Variants in SPAG6 observed in about 807,000 individuals in gnomAD.
The protein encoded by SPAG6 is sperm associated antigen 6, also known as sperm-associated antigen 6.
SPAG6 carries 49 observed loss-of-function variants against 58.5 expected under a neutral mutation model. That is an observed-to-expected ratio of 0.84 (90% CI 0.67 to 1.06). The LOEUF (loss-of-function observed/expected upper bound fraction) is 1.06. Ranked by LOEUF, SPAG6 falls within the 50% of genes least tolerant of loss-of-function variation. SPAG6 has a pLI of 0.00. For missense variants in SPAG6, 560 were observed against 611.3 expected, an observed-to-expected ratio of 0.92 and a Z score of 0.89; for synonymous variants, 233 against 225.6, an observed-to-expected ratio of 1.03 and a Z score of -0.29.
intron 9 of SPAG6, among the ~76,000 whole-genome samples, chr10:22,410,467 G>C (rs904361247): frequency 2.0e-5 from 3 of 152,184 alleles, no homozygotes; most frequent in Non-Finnish European, 4.4e-5. Context: ...GGGGCTTCCA[G>C]AGAAGGATTC....
intron 2 of SPAG6, chr10:22,361,054 G>A (rs988953294): frequency 8.5e-6 from 4 of 470,456 alleles, no homozygotes; most frequent in Non-Finnish European, 1.5e-5. Context: ...AGCACATGGG[G>A]ACTGATAATT....
chr10:22,389,138 A>G, intron 6 of SPAG6, 22 bp from the exon 7 acceptor site: 1 of 1,608,406 alleles, frequency 6.2e-7, no homozygotes, highest in Non-Finnish European at 8.5e-7. Flanking sequence ...CTGGTGATCT[A>G]ACTCTTGTTC....
At chr10:22,407,907 C>G (rs1325071825) in intron 9 of SPAG6, among the ~76,000 whole-genome samples, 26 of 150,856 alleles carry the variant, frequency 1.7e-4, no homozygotes, top group African/African-American at 2.7e-4. Context: ...ATTGCTGATA[C>G]CCTTTCTTCC....
At chr10:22,397,319 A>G (rs1322610482) in intron 8 of SPAG6, among the ~76,000 whole-genome samples, 1 of 152,178 alleles carries the variant, frequency 6.6e-6, no homozygotes, top group East Asian at 1.9e-4. Flanking sequence ...TTTTTGAGAC[A>G]GGGTCTCACT....
intron 4 of SPAG6, among the ~76,000 whole-genome samples, chr10:22,375,916 T>C (rs1274254206): frequency 1.3e-5 from 2 of 152,142 alleles, no homozygotes; most frequent in Admixed American, 6.5e-5. Flanking sequence ...CTAGCGTTTT[T>C]GGTGTCACTG....
intron 2 of SPAG6, chr10:22,361,076 A>G: frequency 2.4e-6 from 1 of 416,034 alleles, no homozygotes; most frequent in Non-Finnish European, 4.2e-6. Flanking sequence ...TGAAGCACTA[A>G]GAGGCAATTT....
At chr10:22,406,443 C>G (rs1049099426) in intron 9 of SPAG6, among the ~76,000 whole-genome samples, 1 of 152,024 alleles carries the variant, frequency 6.6e-6, no homozygotes, top group Non-Finnish European at 1.5e-5. Context: ...TGTAGTTGAG[C>G]GGTTTTGAGT....
chr10:22,382,654 G>A (rs1564370990), intron 4 of SPAG6, among the ~76,000 whole-genome samples: 1 of 152,104 alleles, frequency 6.6e-6, no homozygotes, highest in Non-Finnish European at 1.5e-5. Flanking sequence ...TATGTATGAT[G>A]TGCATTATTT....
chr10:22,398,825 A>AT (rs886397815), intron 8 of SPAG6, among the ~76,000 whole-genome samples: 170 of 149,278 alleles, frequency 1.1e-3, no homozygotes, highest in Middle Eastern at 0.01. Flanking sequence ...AAGTATTATT[A>AT]TTTTTTTTTT....
chr10:22,397,223 C>G (rs796859008), intron 8 of SPAG6, among the ~76,000 whole-genome samples: 11 of 152,148 alleles, frequency 7.2e-5, no homozygotes, highest in African/African-American at 2.7e-4. Context: ...CACACACACA[C>G]GCACACACAC....
intron 4 of SPAG6, among the ~76,000 whole-genome samples, chr10:22,382,725 C>T (rs1054362475): frequency 2.0e-5 from 3 of 152,032 alleles, no homozygotes; most frequent in African/African-American, 7.2e-5. Context: ...AAACTTTCTG[C>T]TATATTAAAA....
chr10:22,371,886 G>A (rs79270180), intron 4 of SPAG6, among the ~76,000 whole-genome samples: 2,179 of 152,032 alleles, frequency 0.014, 40 homozygotes, highest in African/African-American at 0.049. Context: ...AAGGGAACTT[G>A]GGGCTGACAA....
intron 2 of SPAG6, among the ~76,000 whole-genome samples, chr10:22,356,818 C>G (rs948305675): frequency 3.9e-5 from 6 of 152,164 alleles, no homozygotes; most frequent in Non-Finnish European, 8.8e-5. Context: ...GTCTTCCCTG[C>G]CTCTCATCTT....
intron 9 of SPAG6, among the ~76,000 whole-genome samples, chr10:22,404,819 T>A (rs1227600378): frequency 6.6e-6 from 1 of 152,060 alleles, no homozygotes; most frequent in Non-Finnish European, 1.5e-5. Flanking sequence ...CCTTGAGCAG[T>A]GGTTTGTAGT....
chr10:22,377,481 G>C (rs568454367), intron 4 of SPAG6, among the ~76,000 whole-genome samples: 1 of 152,308 alleles, frequency 6.6e-6, no homozygotes, highest in East Asian at 1.9e-4. Flanking sequence ...TCATTATACT[G>C]TATAATAGCA....
intron 2 of SPAG6, among the ~76,000 whole-genome samples, chr10:22,364,555 C>T (rs960356696): frequency 6.6e-6 from 1 of 152,204 alleles, no homozygotes; most frequent in Non-Finnish European, 1.5e-5. Context: ...CCTTTCTCTG[C>T]ATGCCTCATA....
intron 10 of SPAG6, among the ~76,000 whole-genome samples, chr10:22,415,485 C>T (rs1338488484): frequency 2.0e-5 from 3 of 151,996 alleles, no homozygotes; most frequent in Non-Finnish European, 1.5e-5. Context: ...TGTTGAAAGA[C>T]AATTTTTTCA....
chr10:22,374,602 TAAAAAA>T (rs764220934), intron 4 of SPAG6, among the ~76,000 whole-genome samples: 9 of 97,150 alleles, frequency 9.3e-5, no homozygotes, highest in African/African-American at 3.3e-4. Flanking sequence ...ACCCTGTATG[TAAAAAA>T]AAAAAAAAAA....
chr10:22,345,798 T>C lies in SPAG6; in HGVS notation c.101T>C (p.Ile34Thr). Residue 34 changes from isoleucine (I) to threonine (T), a missense_variant, in exon 2 of 11, where the codon ATC (isoleucine) becomes ACC (threonine). Coordinates refer to ENST00000376624, the MANE Select transcript of SPAG6 (RefSeq NM_012443.4). The surrounding 1 kb of genome is among the most constrained non-coding windows in gnomAD (Gnocchi z 6.3). The part of the protein sequence containing the change: ...VAELATRPQN[I>T]ETLQNAGVMS... The stretch of plus-strand genomic sequence containing the variant: ...GAGCTGGCGACTAGACCCCAAAACA[T>C]CGAGACGCTGCAGAACGCGGGTGAG... 1 of 1,613,414 alleles carries C rather than the reference T, an allele frequency of 6.2e-7. No homozygotes were observed.
Sources: allele counts gnomAD v4.1 joint callset (sites outside exome capture counted in the v4.1 genomes callset), GRCh38; gene constraint gnomAD v4.1.1; non-coding constraint Gnocchi (gnomAD v3.1); transcripts MANE v1.5; gene names NCBI Gene and HGNC (gene_info 2026-07-23, HGNC 2026-07-21).